The following SLC24A4 variants were observed in gnomAD, a reference collection of about 807,000 sequenced individuals.
The protein encoded by SLC24A4 is sodium/potassium/calcium exchanger 4.
In SLC24A4, 53 loss-of-function variants were observed where a neutral mutation model predicts 79.0. The ratio of observed to expected loss-of-function variants is 0.67; its 90% confidence interval spans 0.54 to 0.84. The LOEUF (loss-of-function observed/expected upper bound fraction) is 0.84. SLC24A4 is among the 40% of genes least tolerant of loss of function. The pLI is 0.00. For synonymous variants in SLC24A4, 323 were observed against 323.8 expected (o/e 1.00, Z 0.03); for missense variants, 731 against 822.0 (o/e 0.89, Z 1.35).
intron 15 of SLC24A4, 26 bp downstream of exon 15, chr14:92,491,803 T>C: frequency 6.4e-7 from 1 of 1,561,906 alleles, no homozygotes. Flanking sequence ...CTTTAACAGA[T>C]GTGTTTTACC....
chr14:92,342,836 G>A (rs550016411), intron 2 of SLC24A4, among the ~76,000 whole-genome samples: 4 of 152,340 alleles, frequency 2.6e-5, no homozygotes, highest in South Asian at 4.1e-4. Context: ...TTTGGATCTG[G>A]CTCCTCTGTG....
At chr14:92,369,069 C>CT (rs1294613359) in intron 2 of SLC24A4, among the ~76,000 whole-genome samples, 1 of 152,220 alleles carries the variant, frequency 6.6e-6, no homozygotes, top group Non-Finnish European at 1.5e-5. Context: ...CTGAAACAGC[C>CT]TGATCACCCC....
At chr14:92,372,418 GGA>G (rs1888219895) in intron 2 of SLC24A4, among the ~76,000 whole-genome samples, 1 of 152,186 alleles carries the variant, frequency 6.6e-6, no homozygotes, top group South Asian at 2.1e-4. Context: ...GCCTGACCCA[GGA>G]GAGAGGAGCA....
intron 2 of SLC24A4, among the ~76,000 whole-genome samples, chr14:92,365,251 T>G (rs565162575): frequency 2.0e-5 from 3 of 152,220 alleles, no homozygotes; most frequent in Non-Finnish European, 4.4e-5. Context: ...AGGGTTTGAG[T>G]TAAACCTGAA....
rs772009376 is a variant in SLC24A4, at chr14:92,492,156, C to T, written c.1651-19C>T. On this transcript the variant is annotated intron_variant, in intron 15 of 16. Coordinates refer to ENST00000532405, the MANE Select transcript of SLC24A4 (RefSeq NM_153646.4). ...CTGAGCAGTCAAGAGACTCAGGGCA[C>T]GTGTGTTTGATTTTCCAGGTGAAGA... is the stretch of plus-strand genomic sequence containing the variant. The T allele has an allele frequency of 6.8e-6, 11 of 1,606,178 alleles. No homozygotes were observed. Among genetic ancestry groups the T allele is most frequent in the East Asian group, 4.5e-5 (2 of 44,330 alleles).
intron 2 of SLC24A4, among the ~76,000 whole-genome samples, chr14:92,420,972 C>G (rs1891244135): frequency 1.3e-5 from 2 of 152,320 alleles, no homozygotes; most frequent in South Asian, 2.1e-4. Flanking sequence ...AGAGCCCTCA[C>G]TGCTCCTCGG....
intron 2 of SLC24A4, among the ~76,000 whole-genome samples, chr14:92,399,198 T>A (rs1017411649): frequency 4.6e-5 from 7 of 152,222 alleles, no homozygotes; most frequent in African/African-American, 1.7e-4. Flanking sequence ...AAGAACATGT[T>A]GTTAATTTCA....
Position 92,492,255 on chromosome 14 carries a change from T to G in SLC24A4, c.1716+15T>G. ...TCGCTCTCACCGTGAGTCTTTACAA[T>G]TCCAAAACAGATGCCTCATGCATAC... On this transcript the variant is annotated intron_variant, in intron 16 of 16. Transcript: ENST00000532405. The G allele has an allele frequency of 6.2e-7, 1 of 1,613,136 alleles. No homozygotes were observed. The highest frequency in any genetic ancestry group is 8.5e-7 in the Non-Finnish European group (1 of 1,179,142).
intron 2 of SLC24A4, among the ~76,000 whole-genome samples, chr14:92,428,566 A>T (rs1247546318): frequency 6.6e-6 from 1 of 152,264 alleles, no homozygotes; most frequent in Non-Finnish European, 1.5e-5. Flanking sequence ...ATGGGAGGCC[A>T]TGCAATGAGG....
intron 12 of SLC24A4, among the ~76,000 whole-genome samples, chr14:92,469,487 C>A (rs1306653243): frequency 7.0e-6 from 1 of 142,424 alleles, no homozygotes; most frequent in Non-Finnish European, 1.5e-5. Flanking sequence ...CCAGCCTGGG[C>A]ACGGAGTGAG....
chr14:92,434,643 CTG>C (rs1467917718), intron 3 of SLC24A4, among the ~76,000 whole-genome samples: 1 of 152,190 alleles, frequency 6.6e-6, no homozygotes. Context: ...TCACAGGGTA[CTG>C]TGTTGCCAGA....
intron 2 of SLC24A4, among the ~76,000 whole-genome samples, chr14:92,343,580 T>TTTCC (rs1886290679): frequency 2.3e-5 from 2 of 85,168 alleles, no homozygotes; most frequent in South Asian, 4.6e-4. Context: ...TTAATTACTG[T>TTTCC]TTTCTTTCTT....
At chr14:92,373,301 C>T (rs1253825087) in intron 2 of SLC24A4, among the ~76,000 whole-genome samples, 1 of 152,178 alleles carries the variant, frequency 6.6e-6, no homozygotes, top group African/African-American at 2.4e-5. Flanking sequence ...GCCTCAGCCT[C>T]CCAAACTGCT....
chr14:92,480,004 T>G (rs1461350238), intron 12 of SLC24A4, among the ~76,000 whole-genome samples: 1 of 152,160 alleles, frequency 6.6e-6, no homozygotes, highest in Non-Finnish European at 1.5e-5. Context: ...TTTTGTAATG[T>G]TCATAGTGAT....
rs1892508908 is a variant in SLC24A4, at chr14:92,441,720, C to G, written c.394-369C>G. ...AAGGCAAGCGTGTGGACCACAAACCCTCATGTGAAATTCACGTTTCAGTAA... is the reference window on the plus strand; with the variant it reads ...AAGGCAAGCGTGTGGACCACAAACCGTCATGTGAAATTCACGTTTCAGTAA... On this transcript the variant is annotated intron_variant, in intron 4 of 16. Transcript: ENST00000532405. This position sits in a 1 kb window ranked among gnomAD's most constrained non-coding sequence, Gnocchi z 4.6. 6.6e-6 allele frequency among the ~76,000 whole-genome samples: 1 copy of G among 152,248 alleles called. No homozygotes were observed. The highest frequency in any genetic ancestry group is 2.4e-5 in the African/African-American group (1 of 41,476).
rs1280776987 is a variant in SLC24A4 at position 92,396,128 on chromosome 14, A to G, written c.242-37784A>G. 9.9e-5 allele frequency among the ~76,000 whole-genome samples: 15 copies of G among 152,204 alleles called. No individual in the cohort carries two copies. In the East Asian group the frequency reaches 2.9e-3, roughly 29 times the overall value. On this transcript the variant is annotated intron_variant, in intron 2 of 16. Transcript: ENST00000532405. Reference sequence around the variant, plus strand: ...CGTGAGCCATCGCGCCTCACCAGTCATGGTTTTTAATTGCTGCTCTTCTTG... The same window carrying G: ...CGTGAGCCATCGCGCCTCACCAGTCGTGGTTTTTAATTGCTGCTCTTCTTG...
chr14:92,332,014 C>T (rs1255693533), intron 2 of SLC24A4, among the ~76,000 whole-genome samples: 1 of 152,134 alleles, frequency 6.6e-6, no homozygotes, highest in African/African-American at 2.4e-5. Flanking sequence ...TGTGGTGGCT[C>T]ACGCTTGTAA....
intron 2 of SLC24A4, among the ~76,000 whole-genome samples, chr14:92,421,163 A>G (rs558818826): frequency 6.6e-6 from 1 of 152,344 alleles, no homozygotes; most frequent in East Asian, 1.9e-4. Context: ...TGAACAGTAC[A>G]ACAACGAGAA....
At chr14:92,399,833 T>G (rs1490545273) in intron 2 of SLC24A4, among the ~76,000 whole-genome samples, 4 of 152,176 alleles carry the variant, frequency 2.6e-5, no homozygotes, top group African/African-American at 9.7e-5. Context: ...GAAGGAGAAC[T>G]TACCTTGTTT....
Sources: allele counts gnomAD v4.1 joint callset (sites outside exome capture counted in the v4.1 genomes callset), GRCh38; gene constraint gnomAD v4.1.1; non-coding constraint Gnocchi (gnomAD v3.1); transcripts MANE v1.5; gene names NCBI Gene and HGNC (gene_info 2026-07-23, HGNC 2026-07-21).